DNAH5: variants seen among roughly 807,000 people sequenced by gnomAD.
DNAH5 encodes the protein axonemal beta dynein heavy chain 5.
DNAH5 carries 372 observed loss-of-function variants against 518.2 expected under a neutral mutation model. The observed-to-expected ratio is 0.72, with a 90% CI of 0.66 to 0.78. The LOEUF (loss-of-function observed/expected upper bound fraction) is 0.78. Ranked by LOEUF, DNAH5 falls within the 30% of genes least tolerant of loss-of-function variation. The pLI, the probability that DNAH5 is intolerant of heterozygous loss-of-function variation, is 0.00. For synonymous variants in DNAH5, 2,039 were observed against 2,025.9 expected (o/e 1.01, Z -0.17); for missense variants, 5,523 against 5,687.0 (o/e 0.97, Z 0.93).
intron 22 of DNAH5, among the ~76,000 whole-genome samples, chr5:13,876,270 T>C (rs1435474505): frequency 1.3e-5 from 2 of 152,218 alleles, no homozygotes; most frequent in Admixed American, 6.5e-5. Flanking sequence ...TAAATTTTTA[T>C]CTGATATTTT....
chr5:13,979,979 A>G (rs901140876), intron 1 of DNAH5, among the ~76,000 whole-genome samples: 3 of 151,810 alleles, frequency 2.0e-5, no homozygotes, highest in Non-Finnish European at 4.4e-5. Flanking sequence ...AGCTGGGACT[A>G]CAGGCATCCA....
intron 75 of DNAH5, among the ~76,000 whole-genome samples, chr5:13,708,626 G>T (rs1019643176): frequency 1.3e-5 from 2 of 152,144 alleles, no homozygotes; most frequent in Admixed American, 1.3e-4. Context: ...AACAGCAAAT[G>T]CACTTATTGG....
chr5:13,830,584 A>G lies in DNAH5; in HGVS notation c.6061+13T>C. 1 of 1,614,108 alleles carries G rather than the reference A, an allele frequency of 6.2e-7. No homozygotes were observed. Among genetic ancestry groups the G allele is most frequent in the Non-Finnish European group, 8.5e-7 (1 of 1,179,934 alleles). On this transcript the variant is annotated intron_variant, in intron 36 of 78. Coordinates refer to ENST00000265104, the MANE Select transcript of DNAH5 (RefSeq NM_001369.3). ...CTGCAATTTCTCACCAGATTAAAAA[A>G]TATAACCCATACCCTTAAAAATCCG...
At chr5:13,871,494 A>G in intron 23 of DNAH5, 70 bp downstream of exon 23, 1 of 1,326,456 alleles carries the variant, frequency 7.5e-7, no homozygotes, top group Non-Finnish European at 1.1e-6. Flanking sequence ...TCTCTGGAAT[A>G]CAAATCTAGG....
chr5:13,810,123 C>G lies in DNAH5; in HGVS notation c.7545G>C (p.Thr2515=). 1 of 1,550,426 alleles carries G rather than the reference C, an allele frequency of 6.4e-7. No homozygotes were observed. Among genetic ancestry groups the G allele is most frequent in the Non-Finnish European group, 8.7e-7 (1 of 1,147,128 alleles). The change falls in exon 45 of 79, where the codon ACG becomes ACC. Residue 2515 remains threonine, a synonymous_variant. Coordinates refer to ENST00000265104, the MANE Select transcript of DNAH5 (RefSeq NM_001369.3). The part of the protein sequence containing the change: ...ELWLRSRPTG[T]LELPPPAGPG... ...GCCCCGCTGGCGGCGGCAGCTCCAGCGTCCCTGTGGGCCGAGAGCGCAGCC... is the reference window on the plus strand; with the variant it reads ...GCCCCGCTGGCGGCGGCAGCTCCAGGGTCCCTGTGGGCCGAGAGCGCAGCC...
At position 13,918,235 on chromosome 5, in the gene DNAH5, G is replaced by A. The variant is rs116581427; in HGVS notation, c.975+941C>T. Reference sequence around the variant, plus strand: ...CTGCTATGTTCTAAGCTGCTCTACAGAGAGGCCCATGTGGGAAGGAACTGA... The same window carrying A: ...CTGCTATGTTCTAAGCTGCTCTACAAAGAGGCCCATGTGGGAAGGAACTGA... On this transcript the variant is annotated intron_variant, in intron 7 of 78. Coordinates refer to ENST00000265104, the MANE Select transcript of DNAH5 (RefSeq NM_001369.3). Among the ~76,000 whole-genome samples the A allele has an allele frequency of 5.1e-3, 770 of 152,292 alleles. 2 individuals carry two copies. The highest frequency in any genetic ancestry group is 0.031 in the South Asian group (148 of 4,818).
At chr5:13,714,341 C>T in intron 75 of DNAH5, 64 bp downstream of exon 75, 2 of 1,518,824 alleles carry the variant, frequency 1.3e-6, no homozygotes, top group Non-Finnish European at 1.8e-6. Flanking sequence ...TTTCTTCTTC[C>T]TCACTCTCCC....
At chr5:14,002,998 G>C (rs1432054295) in intron 1 of DNAH5, among the ~76,000 whole-genome samples, 1 of 152,140 alleles carries the variant, frequency 6.6e-6, no homozygotes, top group Non-Finnish European at 1.5e-5. Flanking sequence ...ACAAAAGAAT[G>C]TACAACTTAA....
chr5:13,844,666 T>C (rs1765724447), intron 32 of DNAH5, among the ~76,000 whole-genome samples, 171 bp downstream of exon 32: 1 of 152,156 alleles, frequency 6.6e-6, no homozygotes, highest in Non-Finnish European at 1.5e-5. Flanking sequence ...AGTAAGAAAT[T>C]ACACAGTTCT....
intron 30 of DNAH5, among the ~76,000 whole-genome samples, chr5:13,859,187 T>C (rs1043189901): frequency 6.6e-6 from 1 of 152,192 alleles, no homozygotes; most frequent in Non-Finnish European, 1.5e-5. Flanking sequence ...ATATCAATTA[T>C]GCGACCACTT....
chr5:13,813,922 TTC>T (rs1561330439), intron 43 of DNAH5, among the ~76,000 whole-genome samples: 3 of 152,042 alleles, frequency 2.0e-5, no homozygotes, highest in Non-Finnish European at 4.4e-5. Flanking sequence ...GATGAAAATA[TTC>T]AATATAACCA....
At position 13,717,326 on chromosome 5, in the gene DNAH5, C is replaced by T. The variant is rs564134623; in HGVS notation, c.12694G>A (p.Asp4232Asn). 486 of 1,613,772 alleles carry T rather than the reference C, an allele frequency of 3.0e-4. 3 individuals carry two copies. The South Asian group carries it at 5.0e-3, about 17-fold the overall frequency. ...ATGCGCGGCAGTACCTTTTTGACAT[C>T]CATGTCATCCAAGTGGTTTTGGATG... ...QFIQNHLDDMDVKKGVSWTTI... is the reference protein window; with the variant it reads ...QFIQNHLDDMNVKKGVSWTTI... The change falls in exon 73 of 79, where the codon GAT (aspartate) becomes AAT (asparagine). Residue 4232 changes from aspartate to asparagine, a missense_variant. Transcript: ENST00000265104.
At chr5:13,947,407 A>G (rs1376872711), upstream of DNAH5, among the ~76,000 whole-genome samples, 1 of 152,162 alleles carries the variant, frequency 6.6e-6, no homozygotes, top group Non-Finnish European at 1.5e-5. Flanking sequence ...GACATCAGAT[A>G]TTTTGTCTCC....
chr5:13,820,973 A>G (rs1418502666), intron 40 of DNAH5, among the ~76,000 whole-genome samples: 1 of 152,134 alleles, frequency 6.6e-6, no homozygotes, highest in East Asian at 1.9e-4. Flanking sequence ...GGTTCTGAAG[A>G]TGGATGGTGG....
intron 13 of DNAH5, 70 bp from the exon 14 acceptor site, chr5:13,901,643 C>G: frequency 6.6e-6 from 6 of 902,866 alleles, no homozygotes; most frequent in Non-Finnish European, 9.8e-6. Flanking sequence ...ATAAAAATAT[C>G]TAGTAATCTC....
chr5:13,747,092 A>G (rs568176265), intron 65 of DNAH5, among the ~76,000 whole-genome samples: 3 of 151,804 alleles, frequency 2.0e-5, no homozygotes, highest in African/African-American at 7.2e-5. Context: ...CCTGTGTCCA[A>G]GTGTTCTCAT....
intron 52 of DNAH5, among the ~76,000 whole-genome samples, chr5:13,784,975 C>T (rs796265807): frequency 1.6e-4 from 25 of 152,160 alleles, no homozygotes; most frequent in African/African-American, 4.6e-4. Flanking sequence ...AATTTTTCCA[C>T]GGATGGGACG....
chr5:13,953,416 T>A (rs1445779103), intron 1 of DNAH5, among the ~76,000 whole-genome samples: 2 of 152,228 alleles, frequency 1.3e-5, no homozygotes, highest in African/African-American at 2.4e-5. Flanking sequence ...CAGTTAACAT[T>A]GGGCCTTATA....
chr5:13,897,924 T>A (rs1774116104), intron 15 of DNAH5: 1 of 152,198 alleles, frequency 6.6e-6, no homozygotes, highest in Admixed American at 6.5e-5. Flanking sequence ...CCATGTGACT[T>A]CTTTATTGTT....
Sources: allele counts gnomAD v4.1 joint callset (sites outside exome capture counted in the v4.1 genomes callset), GRCh38; gene constraint gnomAD v4.1.1; transcripts MANE v1.5; gene names NCBI Gene and HGNC (gene_info 2026-07-23, HGNC 2026-07-21).